KIAA1614: variants seen among roughly 807,000 people sequenced by gnomAD.
KIAA1614 encodes the protein KIAA1614, also known as uncharacterized protein KIAA1614.
KIAA1614 carries 76 observed loss-of-function variants against 88.7 expected under a neutral mutation model. That is an observed-to-expected ratio of 0.86 (90% CI 0.71 to 1.04). The LOEUF is 1.04. KIAA1614 is among the 50% of genes least tolerant of loss of function. KIAA1614 has a pLI of 0.00. For synonymous variants in KIAA1614, 714 were observed against 675.5 expected (o/e 1.06, Z -0.88); for missense variants, 1,553 against 1,582.5 (o/e 0.98, Z 0.32).
intron 3 of KIAA1614, among the ~76,000 whole-genome samples, chr1:180,920,702 AGGCTGGGGGCG>A (rs997285635): frequency 5.9e-5 from 7 of 117,740 alleles, no homozygotes; most frequent in Middle Eastern, 4.1e-3. Context: ...CACAGCAGGC[AGGCTGGGGGCG>A]GGCTGGGGGC....
chr1:180,949,949 G>C lies in KIAA1614; in HGVS notation c.*4361G>C, dbSNP rs1654693350. 1.3e-5 allele frequency: 2 copies of C among 152,328 alleles called. No homozygotes were observed. The highest frequency in any genetic ancestry group is 6.5e-5 in the Admixed American group (1 of 15,294). The allele number at this position is 152,328 out of a possible 1,614,324, so 9.4% of individuals were successfully genotyped here. On this transcript the variant is annotated 3_prime_UTR_variant, in exon 9 of 9. Coordinates refer to ENST00000367588, the MANE Select transcript of KIAA1614 (RefSeq NM_020950.2). Reference sequence around the variant, plus strand: ...ATAGTGCCAGGCACTGAGTAGGTATGGTTCCTAATTTTTAAAAACTATTTT... The same window carrying C: ...ATAGTGCCAGGCACTGAGTAGGTATCGTTCCTAATTTTTAAAAACTATTTT...
chr1:180,924,339 C>T (rs1270832112), intron 3 of KIAA1614, among the ~76,000 whole-genome samples: 2 of 152,240 alleles, frequency 1.3e-5, no homozygotes, highest in South Asian at 2.1e-4. Flanking sequence ...TCTGTGGCCA[C>T]CCAGGTCCCA....
At chr1:180,937,525 C>T (rs957444170) in intron 5 of KIAA1614, among the ~76,000 whole-genome samples, 3 of 152,232 alleles carry the variant, frequency 2.0e-5, no homozygotes, top group Non-Finnish European at 4.4e-5. Context: ...AGGTGACCAA[C>T]TCTGCCGCTC....
At chr1:180,929,047 G>T (rs1351389109) in intron 4 of KIAA1614, among the ~76,000 whole-genome samples, 1 of 152,242 alleles carries the variant, frequency 6.6e-6, no homozygotes, top group Non-Finnish European at 1.5e-5. Flanking sequence ...TGAGGCGACA[G>T]AGGAGCGCAA....
chr1:180,932,332 G>A (rs1026363629), intron 4 of KIAA1614, among the ~76,000 whole-genome samples: 4 of 151,960 alleles, frequency 2.6e-5, no homozygotes, highest in Non-Finnish European at 5.9e-5. Flanking sequence ...TATGACTTTC[G>A]GGGGCCCTAG....
At chr1:180,931,757 C>T (rs1654201963) in intron 4 of KIAA1614, among the ~76,000 whole-genome samples, 1 of 152,214 alleles carries the variant, frequency 6.6e-6, no homozygotes, top group African/African-American at 2.4e-5. Context: ...GCTCATGGGA[C>T]CTGGGCTCCC....
At chr1:180,940,953 A>G in intron 6 of KIAA1614, 92 bp from the exon 7 acceptor site, 2 of 1,139,526 alleles carry the variant, frequency 1.8e-6, no homozygotes, top group South Asian at 3.1e-5. Flanking sequence ...GTGCTGGCCC[A>G]TCTGCGGCCC....
Position 180,947,854 on chromosome 1 carries a change from C to T in KIAA1614, c.*2266C>T, listed in dbSNP as rs1654628668. 6.6e-6 allele frequency: 1 copy of T among 152,256 alleles called. No homozygotes were observed. The highest frequency in any genetic ancestry group is 1.5e-5 in the Non-Finnish European group (1 of 68,084). 9.4% of individuals were successfully genotyped at this position (152,256 alleles called of 1,614,324 possible). The stretch of plus-strand genomic sequence containing the variant: ...AAAGGGCCTAGCATTTTTCTTCCCT[C>T]CCCTTCAGAAAGAGAAAGTCTGGGG... On this transcript the variant is annotated 3_prime_UTR_variant, in exon 9 of 9. Transcript: ENST00000367588.
chr1:180,917,634 G>T (rs188071778), intron 2 of KIAA1614, among the ~76,000 whole-genome samples: 1 of 152,190 alleles, frequency 6.6e-6, no homozygotes, highest in South Asian at 2.1e-4. Context: ...ATTCATCACC[G>T]CATGCCTGAG....
In KIAA1614 at chr1:180,947,640, C is replaced by T. The variant is rs1654624970; in HGVS notation, c.*2052C>T. The T allele has an allele frequency of 6.6e-6, 1 of 152,242 alleles. No individual in the cohort carries two copies. The highest frequency in any genetic ancestry group is 1.9e-4 in the East Asian group (1 of 5,190). 9.4% of individuals were successfully genotyped at this position (152,242 alleles called of 1,614,324 possible). On this transcript the variant is annotated 3_prime_UTR_variant, in exon 9 of 9. Coordinates refer to ENST00000367588, the MANE Select transcript of KIAA1614 (RefSeq NM_020950.2). Reference sequence around the variant, plus strand: ...CTCCCGTTAGGGGAGCAGGACAGGCCCCCCGGACAGGTGGTGTGAAGGCAG... The same window carrying T: ...CTCCCGTTAGGGGAGCAGGACAGGCTCCCCGGACAGGTGGTGTGAAGGCAG...
intron 7 of KIAA1614, among the ~76,000 whole-genome samples, chr1:180,943,550 C>CTTTTTTTTTTTTTTTTT (rs60128001): frequency 1.2e-4 from 12 of 98,184 alleles, no homozygotes; most frequent in African/African-American, 1.7e-4. Context: ...GGTAGTAGAT[C>CTTTTTTTTTTTTTTTTT]TTTTTTTTTT....
chr1:180,933,653 G>A (rs1426648591), intron 4 of KIAA1614, among the ~76,000 whole-genome samples: 1 of 152,184 alleles, frequency 6.6e-6, no homozygotes, highest in East Asian at 1.9e-4. Flanking sequence ...CTGGCTCCAG[G>A]TGGCCCTGGT....
Position 180,916,877 on chromosome 1 carries a change from C to T in KIAA1614, c.774C>T (p.Ser258=), listed in dbSNP as rs202029251. The part of the protein sequence containing the change: ...VVTEADLDST[S]LTSEEVFVPR... Reference sequence around the variant, plus strand: ...CAGAGGCAGATCTGGATAGCACATCCCTGACCTCCGAGGAGGTCTTTGTCC... The same window carrying T: ...CAGAGGCAGATCTGGATAGCACATCTCTGACCTCCGAGGAGGTCTTTGTCC... Residue 258 remains serine (S), a synonymous_variant, in exon 2 of 9, where the codon TCC becomes TCT. Transcript: ENST00000367588. 180 of 1,614,108 alleles carry T rather than the reference C, an allele frequency of 1.1e-4. 1 individual carries two copies. Among genetic ancestry groups the T allele is most frequent in the Middle Eastern group, 9.9e-4 (6 of 6,084 alleles).
chr1:180,946,892 T>A lies in KIAA1614; in HGVS notation c.*1304T>A, dbSNP rs554215693. 6.6e-6 allele frequency: 1 copy of A among 152,266 alleles called. No homozygotes were observed. The highest frequency in any genetic ancestry group is 2.4e-5 in the African/African-American group (1 of 41,464). 9.4% of individuals were successfully genotyped at this position (152,266 alleles called of 1,614,324 possible). On this transcript the variant is annotated 3_prime_UTR_variant, in exon 9 of 9. Coordinates refer to ENST00000367588, the MANE Select transcript of KIAA1614 (RefSeq NM_020950.2). ...GACCAAATCCCTATCCTCATGAATATACTACCCAGTGAGCAGTTAGATTGT... is the reference window on the plus strand; with the variant it reads ...GACCAAATCCCTATCCTCATGAATAAACTACCCAGTGAGCAGTTAGATTGT...
chr1:180,934,201 G>T (rs1654263209), intron 4 of KIAA1614, among the ~76,000 whole-genome samples: 1 of 144,166 alleles, frequency 6.9e-6, no homozygotes, highest in South Asian at 2.2e-4. Flanking sequence ...TTGCGGTCCT[G>T]AGATCACGCC....
Position 180,941,280 on chromosome 1 carries a change from C to T in KIAA1614, c.3154C>T (p.His1052Tyr). The T allele has an allele frequency of 4.4e-6, 7 of 1,606,848 alleles. No homozygotes were observed. Among genetic ancestry groups the T allele is most frequent in the Non-Finnish European group, 6.0e-6 (7 of 1,174,786 alleles). Reference sequence around the variant, plus strand: ...CAGGGCCCCATCGTTACAATCCCTGCACCCGGTGAGTCCAGGGGCCCCAGC... The same window carrying T: ...CAGGGCCCCATCGTTACAATCCCTGTACCCGGTGAGTCCAGGGGCCCCAGC... ...QSRAPSLQSLHPVSPSHQRRK... is the reference protein window; with the variant it reads ...QSRAPSLQSLYPVSPSHQRRK... Residue 1052 changes from histidine (H) to tyrosine (Y), a missense_variant, in exon 7 of 9, where the codon CAC (histidine) becomes TAC (tyrosine). Physicochemically the swap from His to Tyr is moderately conservative, Grantham distance 83. Transcript: ENST00000367588.
chr1:180,913,346 C>T, intron 1 of KIAA1614, 53 bp downstream of exon 1: 2 of 1,180,232 alleles, frequency 1.7e-6, no homozygotes, highest in Non-Finnish European at 2.1e-6. Flanking sequence ...GGCGGACCGG[C>T]GGGGCGGAGG....
At chr1:180,937,541 T>G (rs1300170372) in intron 5 of KIAA1614, among the ~76,000 whole-genome samples, 1 of 152,212 alleles carries the variant, frequency 6.6e-6, no homozygotes, top group Non-Finnish European at 1.5e-5. Context: ...CGCTCACTTT[T>G]AGGCAGAGAT....
chr1:180,913,394 G>T, intron 1 of KIAA1614, 101 bp downstream of exon 1: 2 of 716,408 alleles, frequency 2.8e-6, no homozygotes, highest in Non-Finnish European at 3.9e-6. Context: ...CTGGGAAGCG[G>T]GCCTCCCACG....
Sources: allele counts gnomAD v4.1 joint callset (sites outside exome capture counted in the v4.1 genomes callset), GRCh38; gene constraint gnomAD v4.1.1; transcripts MANE v1.5; gene names NCBI Gene and HGNC (gene_info 2026-07-23, HGNC 2026-07-21).